Variants in KDM3A observed in about 807,000 individuals in gnomAD.
The protein encoded by KDM3A is lysine demethylase 3A.
Under a neutral mutation model 158.0 loss-of-function variants are expected in KDM3A, and 60 were observed. The ratio of observed to expected loss-of-function variants is 0.38; its 90% confidence interval spans 0.31 to 0.47. KDM3A has a LOEUF of 0.47. Ranked by LOEUF, KDM3A falls within the 20% of genes least tolerant of loss-of-function variation. The pLI is 0.99. For missense variants in KDM3A, 1,319 were observed against 1,574.3 expected, an observed-to-expected ratio of 0.84 and a Z score of 2.74; for synonymous variants, 608 against 549.3, an observed-to-expected ratio of 1.11 and a Z score of -1.49.
chr2:86,470,736 TGTATACCTAGTTG>T (rs753717907), intron 11 of KDM3A, among the ~76,000 whole-genome samples: 2 of 152,216 alleles, frequency 1.3e-5, no homozygotes, highest in Non-Finnish European at 2.9e-5. Context: ...GATCATAAAA[TGTATACCTAGTTG>T]GTATACCTAG....
Position 86,491,039 on chromosome 2 carries a change from G to T in KDM3A, c.3732G>T (p.Pro1244=), listed in dbSNP as rs748212163. ...VQFLGDVVFI[P]AGAPHQVHNL... is the part of the protein sequence containing the mutation. ...TTCTTGGGGATGTGGTGTTTATCCC[G>T]GCAGGAGCTCCACATCAGGCAAGAA... Residue 1244 remains proline (P), a synonymous_variant, in exon 24 of 26, where the codon CCG becomes CCT. Coordinates refer to ENST00000312912, the MANE Select transcript of KDM3A (RefSeq NM_018433.6). The T allele has an allele frequency of 8.7e-6, 14 of 1,613,588 alleles. No individual in the cohort carries two copies. Among genetic ancestry groups the T allele is most frequent in the Non-Finnish European group, 1.1e-5 (13 of 1,179,798 alleles).
At chr2:86,462,768 A>G (rs375509548) in intron 8 of KDM3A, among the ~76,000 whole-genome samples, 18 of 152,206 alleles carry the variant, frequency 1.2e-4, no homozygotes, top group African/African-American at 4.1e-4. Context: ...TGAGTAGAGT[A>G]CATATAAATA....
At chr2:86,442,266 G>A in intron 2 of KDM3A, 33 bp downstream of exon 2, 1 of 1,574,642 alleles carries the variant, frequency 6.4e-7, no homozygotes, top group Non-Finnish European at 8.7e-7. Flanking sequence ...GCCACCGGAC[G>A]TTTCGCAGTT....
At chr2:86,474,725 G>GTGTGTT in intron 11 of KDM3A, 51 bp from the exon 12 acceptor site, 1 of 808,782 alleles carries the variant, frequency 1.2e-6, no homozygotes, top group Non-Finnish European at 2.1e-6. Flanking sequence ...GTGTGTGTGT[G>GTGTGTT]TGTGTGTGTG....
Position 86,485,837 on chromosome 2 carries a change from C to A in KDM3A, c.3291C>A (p.Gly1097=). The A allele has an allele frequency of 1.2e-6, 2 of 1,613,900 alleles. No homozygotes were observed. Among genetic ancestry groups the A allele is most frequent in the Non-Finnish European group, 1.7e-6 (2 of 1,179,886 alleles). ...ACTACTTTGTTCGGCCAGATCTGGG[C>A]CCCAAGATGTATAATGCTTATGGTA... is the stretch of plus-strand genomic sequence containing the variant. ...LPNYFVRPDL[G]PKMYNAYGLI... is the part of the protein sequence containing the mutation. The change falls in exon 21 of 26, where the codon GGC becomes GGA. Residue 1097 remains glycine, a synonymous_variant. Coordinates refer to ENST00000312912, the MANE Select transcript of KDM3A (RefSeq NM_018433.6).
At chr2:86,455,492 C>T (rs1672651257) in intron 5 of KDM3A, among the ~76,000 whole-genome samples, 1 of 151,904 alleles carries the variant, frequency 6.6e-6, no homozygotes, top group African/African-American at 2.4e-5. Context: ...AACTCCTGGC[C>T]TTAAGTGATC....
chr2:86,454,301 G>A (rs1019923572), intron 4 of KDM3A, among the ~76,000 whole-genome samples: 6 of 152,166 alleles, frequency 3.9e-5, no homozygotes, highest in Non-Finnish European at 8.8e-5. Context: ...AGGCTGAGAT[G>A]TGGTTCAAAA....
rs201237286 is a variant in KDM3A at position 86,456,120 on chromosome 2, AT to A, written c.557-314del. Among the ~76,000 whole-genome samples, 1,329 of 151,754 alleles carry A rather than the reference AT, an allele frequency of 8.8e-3. 24 individuals carry two copies. Among genetic ancestry groups the A allele is most frequent in the African/African-American group, 0.03 (1,229 of 41,390 alleles). ...TGTTACTGAGTTTCTACAATCATAC[AT>A]TTTTTTTCTGTGTTTTTTAGATTAT... On this transcript the variant is annotated intron_variant, in intron 5 of 25. Coordinates refer to ENST00000312912, the MANE Select transcript of KDM3A (RefSeq NM_018433.6).
At chr2:86,470,668 T>C (rs1396289690) in intron 11 of KDM3A, among the ~76,000 whole-genome samples, 3 of 152,210 alleles carry the variant, frequency 2.0e-5, no homozygotes, top group African/African-American at 7.2e-5. Context: ...TAGAAAAATG[T>C]CGAAGGTTCT....
At chr2:86,474,483 C>T (rs1001517968) in intron 11 of KDM3A, among the ~76,000 whole-genome samples, 2 of 151,760 alleles carry the variant, frequency 1.3e-5, no homozygotes, top group Admixed American at 6.6e-5. Flanking sequence ...GCCAACATAG[C>T]GAAACCCCAT....
Position 86,492,146 on chromosome 2 carries a change from C to T in KDM3A, c.*27C>T. ...CTCCCTGCACATTGGAAATGAATTA[C>T]AGGCAGCTGTTCAAACTCTTCAGGC... On this transcript the variant is annotated 3_prime_UTR_variant, in exon 26 of 26. Coordinates refer to ENST00000312912, the MANE Select transcript of KDM3A (RefSeq NM_018433.6). The T allele has an allele frequency of 1.3e-6, 2 of 1,539,502 alleles. No individual in the cohort carries two copies. The highest frequency in any genetic ancestry group is 1.4e-5 in the African/African-American group (1 of 73,452).
At chr2:86,439,303 A>G (rs960961737), upstream of KDM3A, among the ~76,000 whole-genome samples, 14 of 152,038 alleles carry the variant, frequency 9.2e-5, no homozygotes, top group African/African-American at 2.9e-4. Context: ...TTGCATTCAT[A>G]TAACACTAAT....
At chr2:86,487,402 T>G (rs557311226) in intron 21 of KDM3A, 1 of 152,294 alleles carries the variant, frequency 6.6e-6, no homozygotes, top group South Asian at 2.1e-4. Context: ...TTTCAAAGGT[T>G]GTGTGATTGA....
At chr2:86,444,297 A>G (rs1047250313) in intron 2 of KDM3A, among the ~76,000 whole-genome samples, 1 of 152,208 alleles carries the variant, frequency 6.6e-6, no homozygotes, top group African/African-American at 2.4e-5. Flanking sequence ...CCTGAAGACA[A>G]CTGGGAATTC....
At chr2:86,445,910 A>C (rs1444964790) in intron 2 of KDM3A, among the ~76,000 whole-genome samples, 1 of 152,212 alleles carries the variant, frequency 6.6e-6, no homozygotes, top group African/African-American at 2.4e-5. Flanking sequence ...ATTGTAGTGC[A>C]AGGCATAAAA....
chr2:86,462,498 T>C (rs1672969421), intron 8 of KDM3A, among the ~76,000 whole-genome samples: 1 of 152,090 alleles, frequency 6.6e-6, no homozygotes, highest in African/African-American at 2.4e-5. Flanking sequence ...AATAAACAAA[T>C]TTCCTCATTT....
At chr2:86,489,720 A>G in intron 23 of KDM3A, 61 bp downstream of exon 23, 1 of 1,536,770 alleles carries the variant, frequency 6.5e-7, no homozygotes, top group Non-Finnish European at 8.8e-7. Flanking sequence ...ATGTTACTAC[A>G]TGTGGTGAAC....
intron 11 of KDM3A, among the ~76,000 whole-genome samples, chr2:86,473,336 A>AT (rs974475964): frequency 1.3e-4 from 19 of 151,708 alleles, no homozygotes; most frequent in Admixed American, 8.5e-4. Flanking sequence ...AATTAGAAAA[A>AT]TTTTTTTTTG....
At chr2:86,451,527 T>C (rs1456904924) in intron 4 of KDM3A, among the ~76,000 whole-genome samples, 1 of 152,216 alleles carries the variant, frequency 6.6e-6, no homozygotes, top group Non-Finnish European at 1.5e-5. Flanking sequence ...TAGTATTCAT[T>C]AAGTGGAAGT....
Sources: allele counts gnomAD v4.1 joint callset (sites outside exome capture counted in the v4.1 genomes callset), GRCh38; gene constraint gnomAD v4.1.1; transcripts MANE v1.5; gene names NCBI Gene and HGNC (gene_info 2026-07-23, HGNC 2026-07-21).